CACNA1C: variants seen among roughly 807,000 people sequenced by gnomAD.
The protein encoded by CACNA1C is calcium voltage-gated channel subunit alpha1 C, also known as voltage-dependent L-type calcium channel subunit alpha-1C.
In CACNA1C, 30 loss-of-function variants were observed where a neutral mutation model predicts 229.0. The observed-to-expected ratio is 0.13, with a 90% CI of 0.10 to 0.18. The LOEUF (loss-of-function observed/expected upper bound fraction) is 0.18. Ranked by LOEUF, CACNA1C falls within the 10% of genes least tolerant of loss-of-function variation. The probability of loss-of-function intolerance (pLI) is 1.00; values close to 1 mark genes in which losing one functional copy is unlikely to be tolerated. For missense variants in CACNA1C, 1,658 were observed against 2,845.0 expected (o/e 0.58, Z 9.49); for synonymous variants, 1,114 against 1,132.5 (o/e 0.98, Z 0.33).
intron 3 of CACNA1C, among the ~76,000 whole-genome samples, chr12:2,259,072 C>T (rs941543419): frequency 2.0e-5 from 3 of 152,210 alleles, no homozygotes; most frequent in Non-Finnish European, 4.4e-5. Flanking sequence ...GGGGAAATCA[C>T]GGAACTCAAT....
intron 1 of CACNA1C, among the ~76,000 whole-genome samples, chr12:2,106,470 G>A (rs1238550381): frequency 2.1e-5 from 2 of 96,182 alleles, no homozygotes; most frequent in Admixed American, 1.0e-4. Flanking sequence ...GTGTCCTGAA[G>A]CCACTGGGAG....
chr12:2,455,743 T>C (rs530641585), intron 4 of CACNA1C, among the ~76,000 whole-genome samples: 36 of 152,302 alleles, frequency 2.4e-4, no homozygotes, highest in African/African-American at 8.4e-4. Context: ...TGTCCAGCCA[T>C]GTCTCTGCAG....
chr12:2,371,904 T>C (rs1159034504), intron 3 of CACNA1C, among the ~76,000 whole-genome samples: 1 of 152,130 alleles, frequency 6.6e-6, no homozygotes, highest in Non-Finnish European at 1.5e-5. Context: ...GGGGAGCGGA[T>C]GCTGCAATTT....
chr12:2,279,427 A>G (rs2090212149), intron 3 of CACNA1C, among the ~76,000 whole-genome samples: 1 of 152,210 alleles, frequency 6.6e-6, no homozygotes, highest in Admixed American at 6.5e-5. Context: ...TTCCATATGA[A>G]TTTTAAAATC....
intron 3 of CACNA1C, among the ~76,000 whole-genome samples, chr12:2,210,636 A>C (rs564962620): frequency 6.6e-6 from 1 of 152,370 alleles, no homozygotes; most frequent in South Asian, 2.1e-4. Context: ...TGAGGCAAAC[A>C]TTATCAATGT....
chr12:2,268,380 C>T (rs892827006), intron 3 of CACNA1C, among the ~76,000 whole-genome samples: 8 of 152,160 alleles, frequency 5.3e-5, no homozygotes, highest in Admixed American at 1.3e-4. Flanking sequence ...GTTTGTTGAT[C>T]GACTTATCCA....
chr12:2,347,163 C>A (rs2097063929), intron 3 of CACNA1C, among the ~76,000 whole-genome samples: 2 of 152,166 alleles, frequency 1.3e-5, no homozygotes, highest in South Asian at 4.1e-4. Context: ...TGTGAGCCTG[C>A]CATGTGTATG....
chr12:2,261,382 A>G (rs916883522), intron 3 of CACNA1C, among the ~76,000 whole-genome samples: 1 of 152,230 alleles, frequency 6.6e-6, no homozygotes, highest in Non-Finnish European at 1.5e-5. Context: ...CTTACTAGAA[A>G]ACAGCTGGGT....
Position 2,111,217 on chromosome 12 carries a change from G to A in CACNA1C, c.50-4007G>A, listed in dbSNP as rs187393460. The stretch of plus-strand genomic sequence containing the variant: ...TGGTGTGCTCCAGAAAGGTCCTTGC[G>A]CTCTGGGAATGGTTTACAATATAAA... On this transcript the variant is annotated intron_variant, in intron 1 of 46. Transcript: ENST00000399655. Among the ~76,000 whole-genome samples, 8 of 152,344 alleles carry A rather than the reference G, an allele frequency of 5.3e-5. No individual in the cohort carries two copies. In the East Asian group the frequency reaches 5.8e-4, roughly 11 times the overall value.
chr12:2,331,989 G>A (rs1235559313), intron 3 of CACNA1C, among the ~76,000 whole-genome samples: 1 of 152,180 alleles, frequency 6.6e-6, no homozygotes, highest in African/African-American at 2.4e-5. Flanking sequence ...TTGGTATAAA[G>A]GGCATGGGGT....
intron 1 of CACNA1C, among the ~76,000 whole-genome samples, chr12:2,075,166 C>A (rs563873826): frequency 6.8e-4 from 103 of 152,306 alleles, no homozygotes; most frequent in Non-Finnish European, 1.1e-3. Context: ...GGATTTGTTT[C>A]TACAGCCAGA....
intron 11 of CACNA1C, among the ~76,000 whole-genome samples, chr12:2,558,513 G>A (rs1025708472): frequency 6.6e-5 from 10 of 152,188 alleles, no homozygotes; most frequent in Non-Finnish European, 1.2e-4. Flanking sequence ...CTCACACTCC[G>A]TGAAGGAGCT....
At chr12:2,490,289 T>C (rs1458060050) in intron 6 of CACNA1C, among the ~76,000 whole-genome samples, 1 of 152,360 alleles carries the variant, frequency 6.6e-6, no homozygotes, top group South Asian at 2.1e-4. Context: ...TCGAGGACAC[T>C]CAGAATTCCC....
intron 1 of CACNA1C, among the ~76,000 whole-genome samples, chr12:2,064,639 A>G (rs2238012): frequency 0.42 from 63,752 of 152,004 alleles, 14,464 homozygotes; most frequent in East Asian, 0.65. Flanking sequence ...CGGGGAGAAA[A>G]TTGGGAAAGG....
At chr12:2,507,906 G>A (rs1160396124) in intron 8 of CACNA1C, among the ~76,000 whole-genome samples, 1 of 152,240 alleles carries the variant, frequency 6.6e-6, no homozygotes, top group Non-Finnish European at 1.5e-5. Flanking sequence ...AATGACAGGC[G>A]AGAAATGGAG....
chr12:2,267,980 G>T (rs1329669071), intron 3 of CACNA1C, among the ~76,000 whole-genome samples: 2 of 152,132 alleles, frequency 1.3e-5, no homozygotes, highest in Non-Finnish European at 2.9e-5. Context: ...TAAAAAACAG[G>T]TTTTTTTGTG....
chr12:2,333,186 G>T (rs1307010789), intron 3 of CACNA1C, among the ~76,000 whole-genome samples: 1 of 150,768 alleles, frequency 6.6e-6, no homozygotes, highest in African/African-American at 2.4e-5. Flanking sequence ...TGGGCACTCC[G>T]GAATCTCATT....
chr12:2,180,629 T>G (rs1325923828), intron 3 of CACNA1C, among the ~76,000 whole-genome samples: 1 of 152,222 alleles, frequency 6.6e-6, no homozygotes, highest in African/African-American at 2.4e-5. Context: ...TCCAGTGCGC[T>G]GCGTTCTAGA....
chr12:2,146,361 A>G (rs2094709166), intron 3 of CACNA1C, among the ~76,000 whole-genome samples: 1 of 151,422 alleles, frequency 6.6e-6, no homozygotes, highest in African/African-American at 2.4e-5. Context: ...TGAGGCCGTC[A>G]TCAGCATAGG....
Sources: gnomAD v4.1 joint callset for allele counts (sites outside exome capture counted in the v4.1 genomes callset) on GRCh38, gnomAD v4.1.1 for gene constraint, MANE v1.5 for transcripts, NCBI Gene and HGNC (gene_info 2026-07-23, HGNC 2026-07-21) for gene names.